The following ZNF8 variants were observed in gnomAD, a reference collection of about 807,000 sequenced individuals.
The protein encoded by ZNF8 is zinc finger protein 8.
A neutral mutation model predicts 12.2 loss-of-function variants in ZNF8; 9 were observed. The ratio of observed to expected loss-of-function variants is 0.73; its 90% CI spans 0.44 to 1.28. The LOEUF (loss-of-function observed/expected upper bound fraction) is 1.28. ZNF8 is among the 50% of genes most tolerant of loss of function. The probability of loss-of-function intolerance (pLI) is 0.00; values close to 1 mark genes in which losing one functional copy is unlikely to be tolerated. For missense variants in ZNF8, 664 were observed against 729.1 expected (o/e 0.91, Z 1.03); for synonymous variants, 274 against 282.3 (o/e 0.97, Z 0.30).
chr19:58,295,380 T>C lies in ZNF8; in HGVS notation c.1572T>C (p.Ser524=), dbSNP rs2051447798. The change falls in exon 4 of 4, where the codon TCT becomes TCC. Residue 524 remains serine, a synonymous_variant. Coordinates refer to ENST00000621650, the MANE Select transcript of ZNF8 (RefSeq NM_021089.3). ...QHQHPNSRKS[S]AGGAKAGQPE... The stretch of plus-strand genomic sequence containing the variant: ...AACACCCGAACTCCAGAAAGAGCTC[T>C]GCAGGCGGAGCAAAGGCAGGGCAGC... 7.4e-6 allele frequency: 12 copies of C among 1,614,172 alleles called. No homozygotes were observed. Among genetic ancestry groups the C allele is most frequent in the Non-Finnish European group, 1.0e-5 (12 of 1,180,026 alleles).
chr19:58,295,693 C>T lies in ZNF8; in HGVS notation c.*157C>T. 4.6e-6 allele frequency: 3 copies of T among 655,224 alleles called. No individual in the cohort carries two copies. Among genetic ancestry groups the T allele is most frequent in the Non-Finnish European group, 7.7e-6 (3 of 390,968 alleles). The allele number at this position is 655,224 out of a possible 1,614,324, so 40.6% of individuals were successfully genotyped here. ...TCCCAAGCACCCGAGGTTGGTTGGT[C>T]CCAAATCTATCAAACTCAGTGCCCT... On this transcript the variant is annotated 3_prime_UTR_variant, in exon 4 of 4. Transcript: ENST00000621650.
intron 3 of ZNF8, among the ~76,000 whole-genome samples, chr19:58,292,821 G>A (rs2051428165): frequency 6.6e-6 from 1 of 152,162 alleles, no homozygotes; most frequent in Admixed American, 6.5e-5. Context: ...TGCATTTGTT[G>A]AGGGGCATTT....
chr19:58,297,846 T>C lies in ZNF8; in HGVS notation c.*2310T>C, dbSNP rs2051465546. 1 of 152,236 alleles carries C rather than the reference T, an allele frequency of 6.6e-6. No homozygotes were observed. Among genetic ancestry groups the C allele is most frequent in the Admixed American group, 6.5e-5 (1 of 15,282 alleles). 9.4% of individuals were successfully genotyped at this position (152,236 alleles called of 1,614,324 possible). On this transcript the variant is annotated 3_prime_UTR_variant, in exon 4 of 4. Transcript: ENST00000621650. ...TGGGACAAAACCATTTTCACAATCA[T>C]ACTAAGCTGTCATTTCACATTTTTG...
Position 58,295,422 on chromosome 19 carries a change from G to C in ZNF8, c.1614G>C (p.Leu538=). 5.6e-6 allele frequency: 9 copies of C among 1,614,054 alleles called. No individual in the cohort carries two copies. Among genetic ancestry groups the C allele is most frequent in the Non-Finnish European group, 7.6e-6 (9 of 1,180,022 alleles). ...AKAGQPESRA[L]ALFDIQKIMQ... ...CAGGGCAGCCGGAAAGCAGAGCCCTGGCTTTGTTTGACATCCAAAAAATCA... is the reference window on the plus strand; with the variant it reads ...CAGGGCAGCCGGAAAGCAGAGCCCTCGCTTTGTTTGACATCCAAAAAATCA... Residue 538 remains leucine, a synonymous_variant, in exon 4 of 4, where the codon CTG becomes CTC. Transcript: ENST00000621650.
In ZNF8 at chr19:58,293,190, C is replaced by T. The variant is rs375690978; in HGVS notation, c.290-908C>T. 6.2e-3 allele frequency among the ~76,000 whole-genome samples: 939 copies of T among 152,258 alleles called. 5 individuals are homozygous for T. Among genetic ancestry groups the T allele is most frequent in the African/African-American group, 0.014 (589 of 41,552 alleles). The stretch of plus-strand genomic sequence containing the variant: ...CTGACCTCAAGTGATCCTCCAGCCT[C>T]GGCTTCCCAAAGTGCTAGGATTACA... On this transcript the variant is annotated intron_variant, in intron 3 of 3. Coordinates refer to ENST00000621650, the MANE Select transcript of ZNF8 (RefSeq NM_021089.3).
chr19:58,294,749 A>G lies in ZNF8; in HGVS notation c.941A>G (p.Lys314Arg), dbSNP rs1366619054. The change falls in exon 4 of 4, where the codon AAG (lysine) becomes AGG (arginine). Residue 314 changes from lysine to arginine, a missense_variant. Transcript: ENST00000621650. This position sits in a 1 kb window ranked among gnomAD's most constrained non-coding sequence, Gnocchi z 5.5. ...ATCCACACTGGAGACAAGCCCTACA[A>G]GTGTGCCGAATGTGGGAAGTCTTTC... ...ERIHTGDKPYKCAECGKSFCH... is the reference protein window; with the variant it reads ...ERIHTGDKPYRCAECGKSFCH... The G allele has an allele frequency of 1.9e-6, 3 of 1,613,954 alleles. No homozygotes were observed. Among genetic ancestry groups the G allele is most frequent in the Non-Finnish European group, 1.7e-6 (2 of 1,180,022 alleles).
rs1280924044 is a variant in ZNF8 at position 58,294,760 on chromosome 19, T to C, written c.952T>C (p.Cys318Arg). 1.7e-5 allele frequency: 28 copies of C among 1,614,012 alleles called. No homozygotes were observed. Among genetic ancestry groups the C allele is most frequent in the Non-Finnish European group, 2.3e-5 (27 of 1,180,036 alleles). ...TGDKPYKCAE[C>R]GKSFCHSTHL... ...AGACAAGCCCTACAAGTGTGCCGAA[T>C]GTGGGAAGTCTTTCTGCCATAGTAC... Residue 318 changes from cysteine to arginine, a missense_variant, in exon 4 of 4, where the codon TGT (cysteine) becomes CGT (arginine). By Grantham distance (180) the Cys-to-Arg change is radical. Transcript: ENST00000621650. This position sits in a 1 kb window ranked among gnomAD's most constrained non-coding sequence, Gnocchi z 5.5.
At chr19:58,280,764 AG>A (rs1183280558) in intron 1 of ZNF8, among the ~76,000 whole-genome samples, 1 of 152,232 alleles carries the variant, frequency 6.6e-6, no homozygotes, top group Non-Finnish European at 1.5e-5. Flanking sequence ...CTCCCTACCA[AG>A]GTTCTAGGGT....
intron 3 of ZNF8, among the ~76,000 whole-genome samples, chr19:58,290,463 C>T (rs2051412909): frequency 6.6e-6 from 1 of 152,046 alleles, no homozygotes; most frequent in African/African-American, 2.4e-5. Flanking sequence ...ACATAAGGTT[C>T]CAGGGATTGG....
intron 2 of ZNF8, 59 bp downstream of exon 2, chr19:58,285,902 C>T: frequency 6.4e-7 from 1 of 1,555,844 alleles, no homozygotes; most frequent in Non-Finnish European, 8.7e-7. Context: ...AGTCATGGGG[C>T]CTCTGGTGTG....
chr19:58,295,750 A>G lies in ZNF8; in HGVS notation c.*214A>G, dbSNP rs949519170. 2 of 544,096 alleles carry G rather than the reference A, an allele frequency of 3.7e-6. No homozygotes were observed. The highest frequency in any genetic ancestry group is 3.8e-5 in the African/African-American group (2 of 52,900). The allele number at this position is 544,096 out of a possible 1,614,324, so 33.7% of individuals were successfully genotyped here. A position where few individuals can be genotyped will look rare whatever the true frequency, so the allele number is the denominator to read the frequency against. On this transcript the variant is annotated 3_prime_UTR_variant, in exon 4 of 4. Coordinates refer to ENST00000621650, the MANE Select transcript of ZNF8 (RefSeq NM_021089.3). ...CGACATATTTTGTGACATTCCTTCC[A>G]TTACACCACAGTGAGTTCACAGGTA...
chr19:58,295,873 T>TC lies in ZNF8; in HGVS notation c.*337_*338insC. The TC allele has an allele frequency of 1.5e-5, 4 of 260,622 alleles. No homozygotes were observed. Among genetic ancestry groups the TC allele is most frequent in the Admixed American group, 5.0e-5 (1 of 19,962 alleles). 16.1% of individuals were successfully genotyped at this position (260,622 alleles called of 1,614,324 possible). ...TGAAAGTAATTTATGGTAGAGTAAA[T>TC]TGTAGAGTAACGTGTACTGACTTGG... On this transcript the variant is annotated 3_prime_UTR_variant, in exon 4 of 4. Transcript: ENST00000621650.
At chr19:58,285,461 C>G (rs1013529160) in intron 1 of ZNF8, among the ~76,000 whole-genome samples, 1 of 152,204 alleles carries the variant, frequency 6.6e-6, no homozygotes, top group African/African-American at 2.4e-5. Context: ...CTGGTACCCT[C>G]GTCTGTCTTG....
At chr19:58,283,751 C>A (rs1176051639) in intron 1 of ZNF8, among the ~76,000 whole-genome samples, 1 of 151,840 alleles carries the variant, frequency 6.6e-6, no homozygotes, top group Non-Finnish European at 1.5e-5. Context: ...AGACGCCCAC[C>A]ACCACGCTCG....
intron 1 of ZNF8, among the ~76,000 whole-genome samples, chr19:58,284,425 T>C (rs904677629): frequency 3.9e-5 from 6 of 152,362 alleles, no homozygotes; most frequent in African/African-American, 1.4e-4. Flanking sequence ...GCAAAGATGC[T>C]TCTTGGGGAC....
Position 58,301,145 on chromosome 19 carries a change from G to A in ZNF8, c.*5609G>A, listed in dbSNP as rs1347797248. On this transcript the variant is annotated 3_prime_UTR_variant, in exon 4 of 4. Transcript: ENST00000621650. ...GGCAACTCCCCGAGGTGTGCCGAAA[G>A]CTCCCCAAACCCAGCCTACCCCAAA... 2 of 152,180 alleles carry A rather than the reference G, an allele frequency of 1.3e-5. No homozygotes were observed. The highest frequency in any genetic ancestry group is 4.8e-5 in the African/African-American group (2 of 41,400). The allele number at this position is 152,180 out of a possible 1,614,324, so 9.4% of individuals were successfully genotyped here.
Position 58,300,879 on chromosome 19 carries a change from G to A in ZNF8, c.*5343G>A, listed in dbSNP as rs1239433692. On this transcript the variant is annotated 3_prime_UTR_variant, in exon 4 of 4. Transcript: ENST00000621650. The stretch of plus-strand genomic sequence containing the variant: ...CGTCTCTCTTCATCCCCAGGACTGT[G>A]AAGCCTGCTAACCTCTTTGCAGAGC... 6.7e-6 allele frequency: 1 copy of A among 148,776 alleles called. No individual in the cohort carries two copies. Among genetic ancestry groups the A allele is most frequent in the Non-Finnish European group, 1.5e-5 (1 of 68,192 alleles). 9.2% of individuals were successfully genotyped at this position (148,776 alleles called of 1,614,324 possible). A position where few individuals can be genotyped will look rare whatever the true frequency, so the allele number is the denominator to read the frequency against.
At chr19:58,293,781 A>G (rs2147960687) in intron 3 of ZNF8, among the ~76,000 whole-genome samples, 1 of 152,346 alleles carries the variant, frequency 6.6e-6, no homozygotes, top group Non-Finnish European at 1.5e-5. Flanking sequence ...AGCCCTGCCA[A>G]CACCTTGATT....
In ZNF8 at chr19:58,283,622, C is replaced by T. The variant is rs370088267; in HGVS notation, c.67-2095C>T. On this transcript the variant is annotated intron_variant, in intron 1 of 3. Transcript: ENST00000621650. ...CTCTTTTTTTTTTTTTTTTTTGAGTCGGAGTCTCACTCTGTTGCCCAGGCT... is the reference window on the plus strand; with the variant it reads ...CTCTTTTTTTTTTTTTTTTTTGAGTTGGAGTCTCACTCTGTTGCCCAGGCT... 7.6e-5 allele frequency among the ~76,000 whole-genome samples: 9 copies of T among 119,030 alleles called. No individual in the cohort carries two copies. In the South Asian group the frequency reaches 1.6e-3, roughly 21 times the overall value. 78.1% of individuals were successfully genotyped at this position (119,030 alleles called of 152,430 possible). A position where few individuals can be genotyped will look rare whatever the true frequency, so the allele number is the denominator to read the frequency against.
Sources: gnomAD v4.1 joint callset for allele counts (sites outside exome capture counted in the v4.1 genomes callset) on GRCh38, gnomAD v4.1.1 for gene constraint, Gnocchi (gnomAD v3.1) non-coding constraint, MANE v1.5 for transcripts, NCBI Gene and HGNC (gene_info 2026-07-23, HGNC 2026-07-21) for gene names.